The following AFG2A variants were observed in gnomAD, a reference collection of about 807,000 sequenced individuals.
The protein encoded by AFG2A is AAA ATPase AFG2A, also known as ATPase family gene 2 protein homolog A.
At chr4:123,238,061 G>A in the AFG2A span, among the ~76,000 whole-genome samples, 2 of 152,214 alleles carry the variant, frequency 1.3e-5, no homozygotes, top group African/African-American at 2.4e-5. Flanking sequence ...CACCCACGGA[G>A]CCTTGCTTGC....
the AFG2A span, chr4:123,256,274 A>C: frequency 2.2e-5 from 31 of 1,397,092 alleles, no homozygotes; most frequent in Admixed American, 4.2e-5. Flanking sequence ...GGTGTTTTAA[A>C]TGACCATACT....
chr4:122,966,581 A>G, the AFG2A span, among the ~76,000 whole-genome samples: 1 of 152,198 alleles, frequency 6.6e-6, no homozygotes, highest in Middle Eastern at 3.4e-3. Context: ...ACATCGATTC[A>G]CTTTTCAGGG....
chr4:122,984,745 A>G, the AFG2A span, among the ~76,000 whole-genome samples: 1 of 152,206 alleles, frequency 6.6e-6, no homozygotes, highest in African/African-American at 2.4e-5. Flanking sequence ...TATGTGGTGT[A>G]TCACATTTAT....
the AFG2A span, among the ~76,000 whole-genome samples, chr4:123,148,769 A>ATTT: frequency 1.7e-4 from 23 of 136,872 alleles, no homozygotes; most frequent in East Asian, 2.8e-3. Context: ...CACACACTCT[A>ATTT]TTTTTTTTTT....
the AFG2A span, among the ~76,000 whole-genome samples, chr4:123,271,735 T>C: frequency 6.6e-6 from 1 of 152,212 alleles, no homozygotes; most frequent in Admixed American, 6.5e-5. Flanking sequence ...AGACCCATTG[T>C]TCACGTGATG....
the AFG2A span, among the ~76,000 whole-genome samples, chr4:123,147,737 G>A: frequency 6.6e-6 from 1 of 152,086 alleles, no homozygotes; most frequent in African/African-American, 2.4e-5. Context: ...TGGGGAGGGA[G>A]ACTAATAAGA....
the AFG2A span, among the ~76,000 whole-genome samples, chr4:123,275,686 C>T: frequency 6.6e-6 from 1 of 152,030 alleles, no homozygotes; most frequent in Non-Finnish European, 1.5e-5. Context: ...GTCTGTTGTT[C>T]CCCTCTTTGT....
the AFG2A span, among the ~76,000 whole-genome samples, chr4:123,199,585 C>G: frequency 1.2e-4 from 18 of 151,390 alleles, no homozygotes; most frequent in African/African-American, 3.9e-4. Flanking sequence ...GATTCTCCCA[C>G]CTCAGCCTCC....
chr4:123,187,063 T>C, the AFG2A span, among the ~76,000 whole-genome samples: 1 of 152,184 alleles, frequency 6.6e-6, no homozygotes, highest in African/African-American at 2.4e-5. Context: ...AAAAAGAAAC[T>C]ACATCCATGA....
chr4:123,052,303 G>T, the AFG2A span, among the ~76,000 whole-genome samples: 3 of 152,052 alleles, frequency 2.0e-5, no homozygotes, highest in African/African-American at 7.2e-5. Flanking sequence ...TTTTGTTTAT[G>T]ATTTCAGTAT....
At chr4:123,239,650 G>C in the AFG2A span, among the ~76,000 whole-genome samples, 1 of 152,062 alleles carries the variant, frequency 6.6e-6, no homozygotes, top group African/African-American at 2.4e-5. Context: ...GTCACCACCA[G>C]GCCTGCCTTA....
chr4:122,976,991 T>C, the AFG2A span, among the ~76,000 whole-genome samples: 1 of 152,206 alleles, frequency 6.6e-6, no homozygotes, highest in African/African-American at 2.4e-5. Flanking sequence ...AACTAAGTGC[T>C]TGGATTTTTA....
At chr4:123,146,140 C>T in the AFG2A span, among the ~76,000 whole-genome samples, 2 of 152,026 alleles carry the variant, frequency 1.3e-5, no homozygotes, top group African/African-American at 4.8e-5. Flanking sequence ...AGATTTTATC[C>T]AACTAACTTA....
the AFG2A span, among the ~76,000 whole-genome samples, chr4:123,132,859 C>G: frequency 6.7e-6 from 1 of 150,242 alleles, no homozygotes; most frequent in South Asian, 2.1e-4. Flanking sequence ...TGGCTCACTG[C>G]AAGCCCCGCC....
chr4:123,180,366 A>G, the AFG2A span, among the ~76,000 whole-genome samples: 1 of 152,192 alleles, frequency 6.6e-6, no homozygotes, highest in Non-Finnish European at 1.5e-5. Flanking sequence ...ATAGAGGTCC[A>G]TATGTGGTAC....
chr4:123,164,239 C>A, the AFG2A span, among the ~76,000 whole-genome samples: 1 of 152,158 alleles, frequency 6.6e-6, no homozygotes, highest in Admixed American at 6.5e-5. Flanking sequence ...AGCCCCAGTT[C>A]TTCCATATTT....
the AFG2A span, among the ~76,000 whole-genome samples, chr4:123,219,769 G>A: frequency 6.6e-6 from 1 of 152,034 alleles, no homozygotes; most frequent in African/African-American, 2.4e-5. Flanking sequence ...GTAGTACTCT[G>A]TAACAAGAAA....
the AFG2A span, among the ~76,000 whole-genome samples, chr4:123,154,749 T>A: frequency 6.6e-6 from 1 of 152,124 alleles, no homozygotes; most frequent in African/African-American, 2.4e-5. Context: ...GAAAAAAATA[T>A]ATTAAGAGAA....
chr4:123,134,840 G>T, the AFG2A span, among the ~76,000 whole-genome samples: 1 of 151,920 alleles, frequency 6.6e-6, no homozygotes. Flanking sequence ...TTTAAAGAAG[G>T]GCTAATACTA....
Sources: allele counts gnomAD v4.1 joint callset (sites outside exome capture counted in the v4.1 genomes callset), GRCh38; gene constraint gnomAD v4.1.1; transcripts MANE v1.5; gene names NCBI Gene and HGNC (gene_info 2026-07-23, HGNC 2026-07-21).